NUP62CL: variants seen among roughly 807,000 people sequenced by gnomAD.
NUP62CL encodes nucleoporin-62 C-terminal-like protein.
In NUP62CL, 13 loss-of-function variants were observed where a neutral mutation model predicts 15.3. The observed-to-expected ratio is 0.85, with a 90% CI of 0.55 to 1.35. The LOEUF is 1.35. NUP62CL is among the 40% of genes most tolerant of loss of function. The pLI, the probability that NUP62CL is intolerant of heterozygous loss-of-function variation, is 0.00. For synonymous variants in NUP62CL, 54 were observed against 49.2 expected (o/e 1.10, Z -0.41); for missense variants, 123 against 130.6 (o/e 0.94, Z 0.28).
intron 4 of NUP62CL, among the ~76,000 whole-genome samples, chrX:107,166,022 C>CT (rs1926510034): frequency 1.8e-5 from 2 of 111,305 alleles, no homozygotes; most frequent in African/African-American, 6.5e-5. Context: ...ATAATTGACA[C>CT]TAAAAGCACA....
chrX:107,169,817 T>A lies in NUP62CL; in HGVS notation c.59-2033A>T, dbSNP rs1206897137. Among the ~76,000 whole-genome samples, 3 of 103,747 alleles carry A rather than the reference T, an allele frequency of 2.9e-5. No homozygotes were observed. The Admixed American group carries it at 3.4e-4, about 12-fold the overall frequency. 90.1% of individuals were successfully genotyped at this position (103,747 alleles called of 115,157 possible). ...ATTCAAGACAGAAAGAAATTTTTTT[T>A]TTAAAAAAATGAGCCCTTCTTGTAA... On this transcript the variant is annotated intron_variant, in intron 3 of 8. Coordinates refer to ENST00000372466, the MANE Select transcript of NUP62CL (RefSeq NM_017681.3).
chrX:107,155,549 C>G (rs912127635), intron 4 of NUP62CL, among the ~76,000 whole-genome samples: 9 of 111,765 alleles, frequency 8.1e-5, no homozygotes, highest in African/African-American at 2.9e-4. Context: ...GTTTCCATAC[C>G]ACCCATCTGC....
chrX:107,159,945 A>C (rs1245405075), intron 4 of NUP62CL, among the ~76,000 whole-genome samples: 2 of 108,088 alleles, frequency 1.9e-5, no homozygotes, highest in Admixed American at 1.0e-4. Flanking sequence ...TCAGGATACA[A>C]AATCAATGTA....
At chrX:107,175,486 C>T (rs1926761777) in intron 2 of NUP62CL, among the ~76,000 whole-genome samples, 1 of 111,906 alleles carries the variant, frequency 8.9e-6, no homozygotes, top group Non-Finnish European at 1.9e-5. Flanking sequence ...CATAAAAAGT[C>T]CCATGGACCT....
At chrX:107,146,009 T>C (rs1385586112) in intron 8 of NUP62CL, among the ~76,000 whole-genome samples, 1 of 111,886 alleles carries the variant, frequency 8.9e-6, no homozygotes, top group African/African-American at 3.2e-5. Context: ...TTTCTTATGA[T>C]TAGATTCAAA....
At position 107,198,414 on chromosome X, in the gene NUP62CL, CTT is replaced by C. The variant is rs1927404555; in HGVS notation, c.-91-5344_-91-5343del. ...AGGAGCAGCAACCCACTCGAGTCCC[CTT>C]CCAGGCTGTGGAAGCTTTGTTCTTT... On this transcript the variant is annotated intron_variant, in intron 1 of 8. Transcript: ENST00000372466. Among the ~76,000 whole-genome samples, 15 of 111,839 alleles carry C rather than the reference CTT, an allele frequency of 1.3e-4. No homozygotes were observed. In the South Asian group the frequency reaches 5.7e-3, roughly 43 times the overall value.
chrX:107,168,293 G>A (rs1389839962), intron 3 of NUP62CL, among the ~76,000 whole-genome samples: 1 of 111,249 alleles, frequency 9.0e-6, no homozygotes, highest in African/African-American at 3.3e-5. Context: ...AAACAATTTT[G>A]CCAATTTATG....
intron 4 of NUP62CL, among the ~76,000 whole-genome samples, chrX:107,158,438 C>G (rs1389784171): frequency 2.4e-5 from 2 of 81,801 alleles, no homozygotes; most frequent in Admixed American, 1.3e-4. Context: ...TCTCTCAGAC[C>G]ACAGCGCAAT....
intron 1 of NUP62CL, among the ~76,000 whole-genome samples, chrX:107,197,206 G>T (rs968535623): frequency 9.0e-6 from 1 of 111,473 alleles, no homozygotes; most frequent in Non-Finnish European, 1.9e-5. Flanking sequence ...TTTCCCAGGC[G>T]TGGAAGTTAC....
intron 8 of NUP62CL, among the ~76,000 whole-genome samples, chrX:107,133,388 G>A (rs1490506788): frequency 9.0e-6 from 1 of 110,655 alleles, no homozygotes; most frequent in South Asian, 3.9e-4. Context: ...AGGCTGGAGT[G>A]CAGTAGCATG....
chrX:107,206,103 C>T (rs1242021162), intron 1 of NUP62CL, among the ~76,000 whole-genome samples, 170 bp downstream of exon 1: 1 of 110,810 alleles, frequency 9.0e-6, no homozygotes, highest in Non-Finnish European at 1.9e-5. Context: ...GCGTGGAGGA[C>T]TGTAGCAAAA....
chrX:107,147,896 A>G (rs2147796714), intron 7 of NUP62CL, 87 bp from the exon 8 acceptor site: 1 of 727,619 alleles, frequency 1.4e-6, no homozygotes, highest in African/African-American at 2.1e-5. Flanking sequence ...TTAGGAAGTG[A>G]CTTTTAATTT....
intron 2 of NUP62CL, 44 bp downstream of exon 2, chrX:107,192,985 G>C (rs997770357): frequency 3.6e-5 from 4 of 109,985 alleles, no homozygotes; most frequent in African/African-American, 1.4e-4. Flanking sequence ...CCCTGTAGTG[G>C]AAGTAGTCAC....
At chrX:107,201,801 G>A (rs939452093) in intron 1 of NUP62CL, among the ~76,000 whole-genome samples, 5 of 109,925 alleles carry the variant, frequency 4.5e-5, no homozygotes, top group Admixed American at 2.9e-4. Context: ...ATGGTGGTGC[G>A]CACCTGTAGA....
intron 2 of NUP62CL, among the ~76,000 whole-genome samples, chrX:107,184,821 GA>G (rs1186156586): frequency 9.0e-6 from 1 of 110,704 alleles, no homozygotes; most frequent in African/African-American, 3.3e-5. Context: ...CAAAGGCAAA[GA>G]AAAAAACTTG....
chrX:107,144,940 A>G (rs1925853005), intron 8 of NUP62CL, among the ~76,000 whole-genome samples: 1 of 111,536 alleles, frequency 9.0e-6, no homozygotes, highest in Non-Finnish European at 1.9e-5. Context: ...AAAGATAGAT[A>G]TTATCCCTCA....
At position 107,191,206 on chromosome X, in the gene NUP62CL, T is replaced by A. The variant is rs749870311; in HGVS notation, c.-48+1823A>T. Among the ~76,000 whole-genome samples, 3 of 99,312 alleles carry A rather than the reference T, an allele frequency of 3.0e-5. No homozygotes were observed. The East Asian group carries it at 9.3e-4, about 31-fold the overall frequency. 86.2% of individuals were successfully genotyped at this position (99,312 alleles called of 115,157 possible). A position where few individuals can be genotyped will look rare whatever the true frequency, so the allele number is the denominator to read the frequency against. On this transcript the variant is annotated intron_variant, in intron 2 of 8. Transcript: ENST00000372466. ...ATAACATGGCTCCTGTCAAATTAAG[T>A]TTTAAATGTGAAGGTTTTGTTCTAT...
At chrX:107,172,039 T>C (rs1427127546) in intron 3 of NUP62CL, among the ~76,000 whole-genome samples, 1 of 109,525 alleles carries the variant, frequency 9.1e-6, no homozygotes, top group Admixed American at 9.8e-5. Flanking sequence ...AATAAAAAGA[T>C]GAGGCCAGGT....
At chrX:107,131,627 C>G in intron 8 of NUP62CL, 1 of 511,190 alleles carries the variant, frequency 2.0e-6, no homozygotes, top group Non-Finnish European at 3.5e-6. Context: ...GGCGAGGCGC[C>G]GCGGGACCAA....
Sources: gnomAD v4.1 joint callset for allele counts (sites outside exome capture counted in the v4.1 genomes callset) on GRCh38, gnomAD v4.1.1 for gene constraint, MANE v1.5 for transcripts, NCBI Gene and HGNC (gene_info 2026-07-23, HGNC 2026-07-21) for gene names.